EPHA6: variants seen among roughly 807,000 people sequenced by gnomAD.
EPHA6 encodes the protein ephrin type-A receptor 6.
In EPHA6, 50 loss-of-function variants were observed where a neutral mutation model predicts 112.0. The observed-to-expected ratio is 0.45, with a 90% CI of 0.36 to 0.56. EPHA6 has a LOEUF of 0.56. Among genes scored for constraint, EPHA6 ranks in the 20% least tolerant of loss-of-function variants. The probability of loss-of-function intolerance (pLI) is 0.00; values close to 1 mark genes in which losing one functional copy is unlikely to be tolerated. For missense variants in EPHA6, 1,280 were observed against 1,417.4 expected, an observed-to-expected ratio of 0.90 and a Z score of 1.56; for synonymous variants, 529 against 490.7, an observed-to-expected ratio of 1.08 and a Z score of -1.03.
intron 3 of EPHA6, among the ~76,000 whole-genome samples, chr3:97,123,865 T>C (rs959982620): frequency 6.6e-6 from 1 of 151,864 alleles, no homozygotes; most frequent in Non-Finnish European, 1.5e-5. Context: ...TTCCTGAGAG[T>C]TGTTAAACGT....
intron 14 of EPHA6, among the ~76,000 whole-genome samples, chr3:97,717,041 C>G (rs1474569807): frequency 6.6e-6 from 1 of 151,766 alleles, no homozygotes; most frequent in Non-Finnish European, 1.5e-5. Flanking sequence ...GTCAGCCTGG[C>G]CGACATGGTG....
intron 4 of EPHA6, among the ~76,000 whole-genome samples, chr3:97,243,026 A>G (rs1162313352): frequency 6.6e-6 from 1 of 151,866 alleles, no homozygotes; most frequent in African/African-American, 2.4e-5. Flanking sequence ...TGAGGCTTAA[A>G]GGACTCAGAT....
chr3:97,568,729 T>C (rs1192849742), intron 11 of EPHA6, among the ~76,000 whole-genome samples: 1 of 152,172 alleles, frequency 6.6e-6, no homozygotes, highest in Non-Finnish European at 1.5e-5. Context: ...AAGTTATTCA[T>C]GACACTTGTT....
intron 5 of EPHA6, among the ~76,000 whole-genome samples, chr3:97,299,387 A>C (rs1306166874): frequency 6.6e-6 from 1 of 152,158 alleles, no homozygotes; most frequent in African/African-American, 2.4e-5. Flanking sequence ...ATTTAGGTTG[A>C]CACCAGATGC....
chr3:96,882,230 C>T (rs559023585), intron 2 of EPHA6, among the ~76,000 whole-genome samples: 2 of 152,332 alleles, frequency 1.3e-5, no homozygotes, highest in Admixed American at 1.3e-4. Flanking sequence ...TTCCACACTG[C>T]CTTAGCAGAG....
chr3:97,126,789 AT>A (rs2048193623), intron 3 of EPHA6, among the ~76,000 whole-genome samples: 1 of 152,000 alleles, frequency 6.6e-6, no homozygotes, highest in African/African-American at 2.4e-5. Flanking sequence ...AAACTAGCAT[AT>A]TAATTCAGTT....
intron 5 of EPHA6, among the ~76,000 whole-genome samples, chr3:97,349,204 G>T (rs964241129): frequency 6.6e-6 from 1 of 151,702 alleles, no homozygotes; most frequent in African/African-American, 2.4e-5. Context: ...TCTTATAAAG[G>T]TTTTTAATAA....
At chr3:96,951,468 A>G (rs539023066) in intron 2 of EPHA6, among the ~76,000 whole-genome samples, 1 of 152,280 alleles carries the variant, frequency 6.6e-6, no homozygotes, top group East Asian at 1.9e-4. Context: ...ACAATCTTTG[A>G]CATCAAGATG....
chr3:96,964,517 G>T (rs1179955681), intron 2 of EPHA6, among the ~76,000 whole-genome samples: 1 of 152,070 alleles, frequency 6.6e-6, no homozygotes, highest in African/African-American at 2.4e-5. Context: ...TTGTATCATA[G>T]ATCTGATTTT....
intron 3 of EPHA6, among the ~76,000 whole-genome samples, chr3:96,996,916 G>A (rs936911315): frequency 6.6e-6 from 1 of 151,968 alleles, no homozygotes; most frequent in Non-Finnish European, 1.5e-5. Flanking sequence ...AGTTACAAAA[G>A]GATTGTTACA....
chr3:97,512,933 C>T (rs1306622169), intron 10 of EPHA6, among the ~76,000 whole-genome samples: 2 of 152,098 alleles, frequency 1.3e-5, no homozygotes, highest in Non-Finnish European at 2.9e-5. Context: ...CAGACATTCT[C>T]CCATACTGGG....
chr3:97,430,235 C>T (rs960867258), intron 6 of EPHA6, among the ~76,000 whole-genome samples: 10 of 151,976 alleles, frequency 6.6e-5, no homozygotes, highest in Admixed American at 2.0e-4. Flanking sequence ...ATTTTTGACA[C>T]CCTCATTCTT....
chr3:97,650,213 C>T (rs1409782039), intron 14 of EPHA6, among the ~76,000 whole-genome samples: 1 of 152,050 alleles, frequency 6.6e-6, no homozygotes, highest in Non-Finnish European at 1.5e-5. Flanking sequence ...ACACCATAAA[C>T]ATCAGCTTGG....
chr3:97,079,343 C>G (rs1438451246), intron 3 of EPHA6, among the ~76,000 whole-genome samples: 1 of 152,034 alleles, frequency 6.6e-6, no homozygotes. Context: ...CAAACTAACA[C>G]AGGAACAGAA....
At chr3:96,968,415 C>T (rs887223896) in intron 2 of EPHA6, among the ~76,000 whole-genome samples, 3 of 149,968 alleles carry the variant, frequency 2.0e-5, no homozygotes, top group African/African-American at 7.5e-5. Context: ...CACACACACA[C>T]ATTCTATGTA....
intron 12 of EPHA6, chr3:97,606,322 T>C (rs1282042077): frequency 6.6e-6 from 1 of 151,326 alleles, no homozygotes. Flanking sequence ...TAGCTTACAA[T>C]GGGAAACCAG....
At chr3:97,479,270 T>C in intron 8 of EPHA6, 24 bp from the exon 9 acceptor site, 2 of 1,509,928 alleles carry the variant, frequency 1.3e-6, no homozygotes, top group Non-Finnish European at 1.8e-6. Flanking sequence ...TAAAACAAGT[T>C]TTTTTTTTTA....
chr3:97,089,609 A>G (rs966519307), intron 3 of EPHA6, among the ~76,000 whole-genome samples: 25 of 152,190 alleles, frequency 1.6e-4, no homozygotes, highest in Non-Finnish European at 3.1e-4. Flanking sequence ...CTACTCAAAC[A>G]AATAGAAATC....
At chr3:97,645,514 G>T (rs1364818252) in intron 14 of EPHA6, among the ~76,000 whole-genome samples, 1 of 121,886 alleles carries the variant, frequency 8.2e-6, no homozygotes, top group Admixed American at 9.5e-5. Context: ...GGGGACTGTG[G>T]TGGGGTGGGG....
Sources: allele counts gnomAD v4.1 joint callset (sites outside exome capture counted in the v4.1 genomes callset), GRCh38; gene constraint gnomAD v4.1.1; transcripts MANE v1.5; gene names NCBI Gene and HGNC (gene_info 2026-07-23, HGNC 2026-07-21).